Variants in METTL22 observed in about 807,000 individuals in gnomAD.
The protein encoded by METTL22 is methyltransferase-like protein 22.
METTL22 carries 51 observed loss-of-function variants against 48.4 expected under a neutral mutation model. The ratio of observed to expected loss-of-function variants is 1.05; its 90% CI spans 0.84 to 1.33. The LOEUF (loss-of-function observed/expected upper bound fraction) is 1.33, where lower values mean the gene tolerates loss of function less well. Ranked by LOEUF, METTL22 falls within the 40% of genes most tolerant of loss-of-function variation. The pLI, the probability that METTL22 is intolerant of heterozygous loss-of-function variation, is 0.00. For synonymous variants in METTL22, 255 were observed against 214.1 expected, an observed-to-expected ratio of 1.19 and a Z score of -1.67; for missense variants, 678 against 526.9, an observed-to-expected ratio of 1.29 and a Z score of -2.81.
chr16:8,655,006 G>A, the METTL22 span, among the ~76,000 whole-genome samples: 9 of 152,294 alleles, frequency 5.9e-5, no homozygotes, highest in East Asian at 1.4e-3. Context: ...AAAAAAGGGA[G>A]TAACTCAAAC....
rs1387604424 is a variant in METTL22 at position 8,642,485 on chromosome 16, T to A, written c.930T>A (p.Thr310=). 6.2e-7 allele frequency: 1 copy of A among 1,614,116 alleles called. No individual in the cohort carries two copies. The highest frequency in any genetic ancestry group is 8.5e-7 in the Non-Finnish European group (1 of 1,180,050). The change falls in exon 9 of 11, where the codon ACT becomes ACA. Residue 310 remains threonine (T), a synonymous_variant. Transcript: ENST00000381920. ...CAGTGTTTTACGACGACGACTTGAC[T>A]GATGCTGTGTTTAAAACGCTCTCCC... ...AAEVFYDDDL[T]DAVFKTLSRL...
chr16:8,663,625 GC>G, the METTL22 span, among the ~76,000 whole-genome samples: 1 of 152,126 alleles, frequency 6.6e-6, no homozygotes, highest in Non-Finnish European at 1.5e-5. Flanking sequence ...TGTTTTCCCA[GC>G]CCTGACTCTG....
chr16:8,660,778 C>G, the METTL22 span, among the ~76,000 whole-genome samples: 1 of 70,214 alleles, frequency 1.4e-5, no homozygotes, highest in African/African-American at 5.3e-5. Context: ...GTGGGCAAGT[C>G]TTGGAGGAGG....
intron 6 of METTL22, chr16:8,639,397 C>G: frequency 1.7e-6 from 1 of 577,926 alleles, no homozygotes; most frequent in Non-Finnish European, 3.1e-6. Context: ...CTCTTTCTCT[C>G]CCGGACACTG....
At chr16:8,661,325 G>A in the METTL22 span, among the ~76,000 whole-genome samples, 4 of 151,918 alleles carry the variant, frequency 2.6e-5, no homozygotes, top group Non-Finnish European at 5.9e-5. Context: ...CCCCAAACCC[G>A]AATTCAGATA....
intron 3 of METTL22, among the ~76,000 whole-genome samples, chr16:8,633,058 G>C: frequency 6.6e-6 from 1 of 152,054 alleles, no homozygotes; most frequent in East Asian, 1.9e-4. Context: ...AGGAGAGGAG[G>C]CTACGAGCCA....
At chr16:8,637,364 C>G (rs926057251) in intron 5 of METTL22, among the ~76,000 whole-genome samples, 7 of 152,206 alleles carry the variant, frequency 4.6e-5, no homozygotes, top group African/African-American at 1.7e-4. Flanking sequence ...TCAAGCCGTC[C>G]AAGAGCTTTG....
rs1424052981 is a variant in METTL22, at chr16:8,631,460, T to C, written c.514+2350T>C. ...GGGCAAGTCGCTTAGCCTCTCTGAG[T>C]TCAGTTTCCTTGTCTGTACAAGGGG... On this transcript the variant is annotated intron_variant, in intron 3 of 10. Transcript: ENST00000381920. The C allele has an allele frequency of 3.9e-5, 6 of 152,268 alleles. No individual in the cohort carries two copies. In the East Asian group the frequency reaches 1.2e-3, roughly 29 times the overall value. 9.4% of individuals were successfully genotyped at this position (152,268 alleles called of 1,614,324 possible).
intron 10 of METTL22, 86 bp from the exon 11 acceptor site, chr16:8,646,022 T>A (rs2056788725): frequency 1.3e-6 from 2 of 1,596,000 alleles, no homozygotes; most frequent in Non-Finnish European, 1.7e-6. Context: ...CTAACTACTC[T>A]CCTTGGTGAA....
chr16:8,663,632 CTCTGTA>C, the METTL22 span, among the ~76,000 whole-genome samples: 1 of 152,198 alleles, frequency 6.6e-6, no homozygotes, highest in Non-Finnish European at 1.5e-5. Context: ...CCAGCCCTGA[CTCTGTA>C]TCCCTTTTAA....
intron 3 of METTL22, 51 bp from the exon 4 acceptor site, chr16:8,634,988 G>C (rs1001320660): frequency 1.2e-6 from 2 of 1,611,670 alleles, no homozygotes; most frequent in Non-Finnish European, 8.5e-7. Flanking sequence ...GTGGTTTTCT[G>C]TCCATCCCCA....
At chr16:8,629,206 C>T in intron 3 of METTL22, 96 bp downstream of exon 3, 1 of 1,474,860 alleles carries the variant, frequency 6.8e-7, no homozygotes, top group Non-Finnish European at 9.1e-7. Context: ...ACTCTGCAGG[C>T]CCAGGCAGCA....
At chr16:8,625,313 T>C (rs2056008472) in intron 1 of METTL22, among the ~76,000 whole-genome samples, 183 bp from the exon 2 acceptor site, 1 of 152,042 alleles carries the variant, frequency 6.6e-6, no homozygotes, top group Non-Finnish European at 1.5e-5. Context: ...GTATCCTTAC[T>C]GTTTGAAATT....
rs569839033 is a variant in METTL22 at position 8,647,019 on chromosome 16, C to G, written c.*876C>G. 1.6e-4 allele frequency: 49 copies of G among 312,916 alleles called. No homozygotes were observed. The Admixed American group carries it at 1.9e-3, about 12-fold the overall frequency. 19.4% of individuals were successfully genotyped at this position (312,916 alleles called of 1,614,324 possible). A position where few individuals can be genotyped will look rare whatever the true frequency, so the allele number is the denominator to read the frequency against. ...TGCTACCCTTGGCCCTCCCTGCAGC[C>G]CCTTTCCCCTGCCTTGCTGCTGCCG... On this transcript the variant is annotated 3_prime_UTR_variant, in exon 11 of 11. Coordinates refer to ENST00000381920, the MANE Select transcript of METTL22 (RefSeq NM_024109.4).
chr16:8,658,869 C>T, the METTL22 span, among the ~76,000 whole-genome samples: 1 of 152,148 alleles, frequency 6.6e-6, no homozygotes, highest in Admixed American at 6.5e-5. Flanking sequence ...TTCCCAGCCC[C>T]ATCTCATCCA....
chr16:8,633,370 G>A (rs2056324112), intron 3 of METTL22, among the ~76,000 whole-genome samples: 1 of 152,182 alleles, frequency 6.6e-6, no homozygotes, highest in Non-Finnish European at 1.5e-5. Context: ...GGCCAAAGCA[G>A]TGTATCACTT....
Position 8,646,568 on chromosome 16 carries a change from C to T in METTL22, c.*425C>T, listed in dbSNP as rs758492493. 5.3e-5 allele frequency: 25 copies of T among 467,736 alleles called. No homozygotes were observed. The highest frequency in any genetic ancestry group is 2.0e-4 in the South Asian group (13 of 64,646). The allele number at this position is 467,736 out of a possible 1,614,324, so 29.0% of individuals were successfully genotyped here. On this transcript the variant is annotated 3_prime_UTR_variant, in exon 11 of 11. Transcript: ENST00000381920. ...CCAGTATTGCCATCATATTGCCGCT[C>T]GGCACAAAAGCCTCATTTCCTCCCA...
Position 8,641,793 on chromosome 16 carries a change from T to C in METTL22, c.827-334T>C, listed in dbSNP as rs1247687563. ...TGTGCCCTTTCTGTGAGTGCAAAAC[T>C]GAGGCTGTTTTCCTGGGCCACCCAG... On this transcript the variant is annotated intron_variant, in intron 7 of 10. Coordinates refer to ENST00000381920, the MANE Select transcript of METTL22 (RefSeq NM_024109.4). The C allele has an allele frequency of 5.8e-5, 27 of 462,794 alleles. No homozygotes were observed. The South Asian group carries it at 6.2e-4, about 11-fold the overall frequency. 28.7% of individuals were successfully genotyped at this position (462,794 alleles called of 1,614,324 possible).
the METTL22 span, among the ~76,000 whole-genome samples, chr16:8,657,777 T>G: frequency 6.6e-6 from 1 of 151,786 alleles, no homozygotes; most frequent in Non-Finnish European, 1.5e-5. Flanking sequence ...TTAGGGCGGG[T>G]CCTAAATCTA....
Sources: gnomAD v4.1 joint callset for allele counts (sites outside exome capture counted in the v4.1 genomes callset) on GRCh38, gnomAD v4.1.1 for gene constraint, MANE v1.5 for transcripts, NCBI Gene and HGNC (gene_info 2026-07-23, HGNC 2026-07-21) for gene names.